ATG5: variants seen among roughly 807,000 people sequenced by gnomAD.
ATG5 encodes autophagy protein 5.
A neutral mutation model predicts 36.5 loss-of-function variants in ATG5; 14 were observed. The ratio of observed to expected loss-of-function variants is 0.38; its 90% CI spans 0.25 to 0.60. The LOEUF (loss-of-function observed/expected upper bound fraction) is 0.60, where lower values mean the gene tolerates loss of function less well. ATG5 is among the 20% of genes least tolerant of loss of function. The pLI, the probability that ATG5 is intolerant of heterozygous loss-of-function variation, is 0.60. For missense variants in ATG5, 195 were observed against 326.7 expected (o/e 0.60, Z 3.11); for synonymous variants, 95 against 101.5 (o/e 0.94, Z 0.38).
At position 106,185,169 on chromosome 6, in the gene ATG5, T is replaced by C. The variant is rs1040273441; in HGVS notation, c.*1371A>G. 1.3e-5 allele frequency: 2 copies of C among 152,754 alleles called. No homozygotes were observed. Among genetic ancestry groups the C allele is most frequent in the Non-Finnish European group, 2.9e-5 (2 of 68,024 alleles). 9.5% of individuals were successfully genotyped at this position (152,754 alleles called of 1,614,324 possible). A position where few individuals can be genotyped will look rare whatever the true frequency, so the allele number is the denominator to read the frequency against. ...TCTAATTTTGTGAAGAAATGTGCTA[T>C]TAATCAGTGAAAATCGCAAAAGGAA... On this transcript the variant is annotated 3_prime_UTR_variant, in exon 8 of 8. Coordinates refer to ENST00000369076, the MANE Select transcript of ATG5 (RefSeq NM_004849.4).
intron 1 of ATG5, among the ~76,000 whole-genome samples, chr6:106,318,869 C>CT (rs778502251): frequency 2.0e-5 from 3 of 152,124 alleles, no homozygotes; most frequent in Non-Finnish European, 2.9e-5. Context: ...ATACACTTAA[C>CT]TTTAAAAATA....
chr6:106,266,382 C>A (rs1225230022), intron 5 of ATG5, among the ~76,000 whole-genome samples: 1 of 152,142 alleles, frequency 6.6e-6, no homozygotes, highest in Non-Finnish European at 1.5e-5. Flanking sequence ...AAGTCCAGGA[C>A]CAGACGGATT....
At position 106,219,894 on chromosome 6, in the gene ATG5, CA is replaced by C. The variant is rs568968623; in HGVS notation, c.574-17806del. On this transcript the variant is annotated intron_variant, in intron 6 of 7. Coordinates refer to ENST00000369076, the MANE Select transcript of ATG5 (RefSeq NM_004849.4). ...CAAATACGGTTTCCAAATGTGTATC[CA>C]ATCTTGTTTAATTATAATCAAACTC... is the stretch of plus-strand genomic sequence containing the variant. 2.5e-3 allele frequency among the ~76,000 whole-genome samples: 374 copies of C among 152,164 alleles called. 2 individuals carry two copies. Among genetic ancestry groups the C allele is most frequent in the Non-Finnish European group, 2.1e-3 (145 of 67,962 alleles).
At chr6:106,194,309 T>G (rs150760629) in intron 7 of ATG5, among the ~76,000 whole-genome samples, 29 of 152,292 alleles carry the variant, frequency 1.9e-4, no homozygotes, top group African/African-American at 6.5e-4. Context: ...AATGTGATTA[T>G]TGCTCAAATA....
At chr6:106,228,556 T>C (rs1777538177) in intron 6 of ATG5, among the ~76,000 whole-genome samples, 1 of 152,006 alleles carries the variant, frequency 6.6e-6, no homozygotes, top group African/African-American at 2.4e-5. Flanking sequence ...GAACCCCAGG[T>C]CAGAGAACAC....
chr6:106,220,239 A>G (rs1777190031), intron 6 of ATG5, among the ~76,000 whole-genome samples: 1 of 152,212 alleles, frequency 6.6e-6, no homozygotes, highest in Non-Finnish European at 1.5e-5. Flanking sequence ...GCATATGTCA[A>G]TATCTGTATC....
chr6:106,235,892 C>G (rs1777882968), intron 6 of ATG5, among the ~76,000 whole-genome samples: 1 of 152,112 alleles, frequency 6.6e-6, no homozygotes, highest in Non-Finnish European at 1.5e-5. Flanking sequence ...CAAACTGTAA[C>G]AGTGTTACAG....
intron 6 of ATG5, among the ~76,000 whole-genome samples, chr6:106,231,568 A>G (rs111507536): frequency 4.6e-5 from 7 of 151,138 alleles, no homozygotes; most frequent in African/African-American, 1.7e-4. Flanking sequence ...GATGTCCACT[A>G]TAACACAGGG....
rs929252475 is a variant in ATG5, at chr6:106,185,569, A to G, written c.*971T>C. On this transcript the variant is annotated 3_prime_UTR_variant, in exon 8 of 8. Transcript: ENST00000369076. ...CAAAAGACTGGCTGCCAGGGACCACAGTGAAAAATTAGACCTGGAGCCAAT... is the reference window on the plus strand; with the variant it reads ...CAAAAGACTGGCTGCCAGGGACCACGGTGAAAAATTAGACCTGGAGCCAAT... 1.3e-5 allele frequency: 2 copies of G among 152,382 alleles called. No homozygotes were observed. The highest frequency in any genetic ancestry group is 4.8e-5 in the African/African-American group (2 of 41,470). 9.4% of individuals were successfully genotyped at this position (152,382 alleles called of 1,614,324 possible). A position where few individuals can be genotyped will look rare whatever the true frequency, so the allele number is the denominator to read the frequency against.
intron 2 of ATG5, among the ~76,000 whole-genome samples, chr6:106,309,001 C>G (rs1362506669): frequency 6.6e-6 from 1 of 151,822 alleles, no homozygotes; most frequent in African/African-American, 2.4e-5. Flanking sequence ...GTATGAAGAA[C>G]CTGGTCAGTG....
At chr6:106,220,876 A>G (rs1777220702) in intron 6 of ATG5, among the ~76,000 whole-genome samples, 1 of 152,252 alleles carries the variant, frequency 6.6e-6, no homozygotes, top group African/African-American at 2.4e-5. Flanking sequence ...AAGGGGCATC[A>G]TTCTGGATGC....
At chr6:106,225,327 G>GA (rs1471039545) in intron 6 of ATG5, among the ~76,000 whole-genome samples, 1 of 151,916 alleles carries the variant, frequency 6.6e-6, no homozygotes, top group Admixed American at 6.6e-5. Context: ...AAGGTTATCG[G>GA]AAAACCTATG....
At chr6:106,240,400 T>TTAAA (rs141648980) in intron 6 of ATG5, among the ~76,000 whole-genome samples, 16,339 of 149,366 alleles carry the variant, frequency 0.11, 962 homozygotes, top group South Asian at 0.16. Flanking sequence ...AAATAAAAAG[T>TTAAA]TAAGAAGAAA....
chr6:106,284,948 C>G (rs1780020165), intron 4 of ATG5, among the ~76,000 whole-genome samples: 2 of 152,192 alleles, frequency 1.3e-5, no homozygotes, highest in Admixed American at 6.5e-5. Context: ...TGTAGGCAAC[C>G]CACACACAGT....
At chr6:106,229,640 C>T (rs768419311) in intron 6 of ATG5, among the ~76,000 whole-genome samples, 4 of 152,172 alleles carry the variant, frequency 2.6e-5, no homozygotes, top group Admixed American at 6.5e-5. Context: ...GTCTTCTCCG[C>T]GACCCTATAA....
chr6:106,245,837 T>C (rs1486225553), intron 6 of ATG5, among the ~76,000 whole-genome samples: 1 of 152,098 alleles, frequency 6.6e-6, no homozygotes, highest in Non-Finnish European at 1.5e-5. Flanking sequence ...CACAAATAAA[T>C]GCTACATTTA....
chr6:106,219,459 C>T (rs1278096786), intron 6 of ATG5, among the ~76,000 whole-genome samples: 2 of 152,106 alleles, frequency 1.3e-5, no homozygotes, highest in Admixed American at 1.3e-4. Flanking sequence ...AACCATGGGT[C>T]GAAAATGTTT....
chr6:106,295,246 T>C (rs1780498829), intron 3 of ATG5, among the ~76,000 whole-genome samples: 1 of 152,216 alleles, frequency 6.6e-6, no homozygotes, highest in African/African-American at 2.4e-5. Flanking sequence ...CTTAGGTATC[T>C]GCAACAGGGT....
intron 2 of ATG5, among the ~76,000 whole-genome samples, chr6:106,314,957 G>A: frequency 6.6e-6 from 1 of 152,078 alleles, no homozygotes; most frequent in East Asian, 1.9e-4. Context: ...TTTCTAGTAA[G>A]AAAACCCATA....
Sources: allele counts gnomAD v4.1 joint callset (sites outside exome capture counted in the v4.1 genomes callset), GRCh38; gene constraint gnomAD v4.1.1; transcripts MANE v1.5; gene names NCBI Gene and HGNC (gene_info 2026-07-23, HGNC 2026-07-21).